The following UST variants were observed in gnomAD, a reference collection of about 807,000 sequenced individuals.
The protein encoded by UST is chondroitin sulfate 2-O-sulfotransferase.
In UST, 21 loss-of-function variants were observed where a neutral mutation model predicts 45.6. That is an observed-to-expected ratio of 0.46 (90% CI 0.33 to 0.66). The LOEUF is 0.66. Ranked by LOEUF, UST falls within the 30% of genes least tolerant of loss-of-function variation. UST has a pLI of 0.02. For missense variants in UST, 463 were observed against 512.4 expected, an observed-to-expected ratio of 0.90 and a Z score of 0.93; for synonymous variants, 215 against 200.6, an observed-to-expected ratio of 1.07 and a Z score of -0.61.
intron 7 of UST, among the ~76,000 whole-genome samples, chr6:149,023,900 G>A (rs17081490): frequency 0.01 from 1,574 of 152,200 alleles, 39 homozygotes; most frequent in African/African-American, 0.036. Context: ...CTGAAAGTTC[G>A]TTAATTCAAG....
intron 5 of UST, among the ~76,000 whole-genome samples, chr6:148,964,843 T>G (rs955557954): frequency 5.9e-5 from 9 of 152,156 alleles, no homozygotes; most frequent in Non-Finnish European, 8.8e-5. Flanking sequence ...CAGTCTTTCC[T>G]AAGGAGTCCT....
At chr6:149,059,151 G>C (rs1367159563) in intron 7 of UST, among the ~76,000 whole-genome samples, 1 of 152,144 alleles carries the variant, frequency 6.6e-6, no homozygotes, top group African/African-American at 2.4e-5. Flanking sequence ...GCCACCCCAG[G>C]ACTCATTACC....
intron 7 of UST, among the ~76,000 whole-genome samples, chr6:149,030,548 A>G (rs1189469614): frequency 6.6e-6 from 1 of 152,202 alleles, no homozygotes; most frequent in Non-Finnish European, 1.5e-5. Flanking sequence ...ACTAAGAAAC[A>G]TGAGTTTAGG....
chr6:148,832,901 T>G (rs762516467), intron 1 of UST, among the ~76,000 whole-genome samples: 1 of 152,236 alleles, frequency 6.6e-6, no homozygotes, highest in Non-Finnish European at 1.5e-5. Flanking sequence ...AAGACAGTAT[T>G]GTATTTCTAT....
intron 2 of UST, among the ~76,000 whole-genome samples, chr6:148,931,991 TG>T (rs1779930234): frequency 6.6e-6 from 1 of 152,246 alleles, no homozygotes; most frequent in African/African-American, 2.4e-5. Flanking sequence ...TTACATTTCA[TG>T]TGTGTGGCAT....
At chr6:148,778,693 G>T (rs1776580392) in intron 1 of UST, among the ~76,000 whole-genome samples, 1 of 152,184 alleles carries the variant, frequency 6.6e-6, no homozygotes, top group Non-Finnish European at 1.5e-5. Flanking sequence ...TGAGTCCTAA[G>T]GCTCGCAGGG....
intron 1 of UST, among the ~76,000 whole-genome samples, chr6:148,756,237 C>T (rs931665156): frequency 6.6e-6 from 1 of 151,990 alleles, no homozygotes; most frequent in African/African-American, 2.4e-5. Flanking sequence ...GGGGCTTTTC[C>T]CCTTTGCTCA....
chr6:148,839,439 A>G (rs1264608765), intron 1 of UST, among the ~76,000 whole-genome samples: 1 of 152,190 alleles, frequency 6.6e-6, no homozygotes, highest in African/African-American at 2.4e-5. Context: ...TTTGTTTTAT[A>G]TAGAATGAGG....
At chr6:148,941,546 T>G (rs1433600446) in intron 3 of UST, 112 bp downstream of exon 3, 4 of 1,256,810 alleles carry the variant, frequency 3.2e-6, no homozygotes, top group Non-Finnish European at 2.2e-6. Context: ...TACCAGAGTT[T>G]TGATTTCATG....
At chr6:149,059,503 T>G (rs1378729443) in intron 7 of UST, among the ~76,000 whole-genome samples, 2 of 152,220 alleles carry the variant, frequency 1.3e-5, no homozygotes, top group East Asian at 3.8e-4. Flanking sequence ...CCATCCGCAG[T>G]GAAACAGAGA....
intron 1 of UST, among the ~76,000 whole-genome samples, chr6:148,766,816 A>G (rs1215113350): frequency 1.3e-5 from 2 of 152,234 alleles, no homozygotes; most frequent in Admixed American, 6.5e-5. Flanking sequence ...ATATGCAACC[A>G]AAGTAAAGAA....
intron 2 of UST, among the ~76,000 whole-genome samples, chr6:148,940,306 G>T (rs1030358978): frequency 1.3e-5 from 2 of 151,100 alleles, no homozygotes; most frequent in African/African-American, 4.9e-5. Context: ...GGGCAACATG[G>T]TGAAACCCTG....
chr6:149,053,757 G>T (rs1934222), intron 7 of UST, among the ~76,000 whole-genome samples: 47,539 of 152,092 alleles, frequency 0.31, 7,843 homozygotes, highest in Non-Finnish European at 0.36. Flanking sequence ...TCGAAGCACC[G>T]GGTCTAAATA....
chr6:149,062,892 A>G (rs191924235), intron 7 of UST, among the ~76,000 whole-genome samples: 229 of 152,376 alleles, frequency 1.5e-3, no homozygotes, highest in African/African-American at 5.1e-3. Context: ...ACAGAGCCCT[A>G]TGAAAATGAG....
At chr6:148,932,561 A>G (rs1238500180) in intron 2 of UST, among the ~76,000 whole-genome samples, 1 of 152,104 alleles carries the variant, frequency 6.6e-6, no homozygotes, top group Non-Finnish European at 1.5e-5. Context: ...GAAAATATTC[A>G]TCTTTTGGTC....
intron 1 of UST, among the ~76,000 whole-genome samples, chr6:148,863,586 T>C (rs1778362059): frequency 6.6e-6 from 1 of 152,206 alleles, no homozygotes; most frequent in African/African-American, 2.4e-5. Context: ...GGCACTCTAT[T>C]TTTAGAATTT....
intron 1 of UST, among the ~76,000 whole-genome samples, chr6:148,756,714 G>A (rs1196263114): frequency 6.6e-6 from 1 of 152,206 alleles, no homozygotes; most frequent in East Asian, 1.9e-4. Flanking sequence ...GTGATCATCT[G>A]TGAGCAAGCA....
At chr6:148,999,000 C>T (rs1045160844) in intron 5 of UST, among the ~76,000 whole-genome samples, 8 of 152,184 alleles carry the variant, frequency 5.3e-5, no homozygotes, top group South Asian at 2.1e-4. Context: ...TGCAAAATCC[C>T]GAAGTCATTA....
At chr6:148,854,108 G>A (rs1778158639) in intron 1 of UST, among the ~76,000 whole-genome samples, 1 of 152,182 alleles carries the variant, frequency 6.6e-6, no homozygotes, top group Non-Finnish European at 1.5e-5. Flanking sequence ...GCAAGCCTGT[G>A]GGTCTTCAGA....
Sources: gnomAD v4.1 joint callset for allele counts (sites outside exome capture counted in the v4.1 genomes callset) on GRCh38, gnomAD v4.1.1 for gene constraint, MANE v1.5 for transcripts, NCBI Gene and HGNC (gene_info 2026-07-23, HGNC 2026-07-21) for gene names.